The following EDARADD variants were observed in gnomAD, a reference collection of about 807,000 sequenced individuals.
The protein encoded by EDARADD is ectodysplasin-A receptor-associated adapter protein.
In EDARADD, 20 loss-of-function variants were observed where a neutral mutation model predicts 25.6. The observed-to-expected ratio is 0.78, with a 90% CI of 0.55 to 1.14. The LOEUF (loss-of-function observed/expected upper bound fraction) is 1.14. EDARADD is among the 50% of genes most tolerant of loss of function. EDARADD has a pLI of 0.00. For synonymous variants in EDARADD, 86 were observed against 94.4 expected (o/e 0.91, Z 0.52); for missense variants, 225 against 270.1 (o/e 0.83, Z 1.17).
chr1:236,379,970 T>C (rs1341003284), intron 3 of EDARADD, among the ~76,000 whole-genome samples: 1 of 152,196 alleles, frequency 6.6e-6, no homozygotes, highest in Non-Finnish European at 1.5e-5. Flanking sequence ...GCCACTAAAA[T>C]TGCTGTGTTA....
rs1437408993 is a variant in EDARADD, at chr1:236,431,777, CG to C, written c.219+4330del. Among the ~76,000 whole-genome samples the C allele has an allele frequency of 1.9e-5, 2 of 103,136 alleles. 1 individual carries two copies. Among genetic ancestry groups the C allele is most frequent in the Non-Finnish European group, 5.0e-5 (2 of 40,156 alleles). 67.7% of individuals were successfully genotyped at this position (103,136 alleles called of 152,430 possible). A position where few individuals can be genotyped will look rare whatever the true frequency, so the allele number is the denominator to read the frequency against. ...TCTACTAAAAATACAAAAAATTAGC[CG>C]GGCGCGGTGGCGGGCGCCTGTAGTC... is the stretch of plus-strand genomic sequence containing the variant. On this transcript the variant is annotated intron_variant, in intron 4 of 5. Transcript: ENST00000334232.
intron 3 of EDARADD, among the ~76,000 whole-genome samples, chr1:236,385,202 A>G (rs1667337866): frequency 7.2e-6 from 1 of 139,242 alleles, no homozygotes. Flanking sequence ...AGGTCAGGAG[A>G]TCAAGACCAT....
At chr1:236,427,575 T>TTCCTAGGCAGAGGACCCTGCCGCCTTCA in intron 4 of EDARADD, 125 bp downstream of exon 4, 2 of 900,108 alleles carry the variant, frequency 2.2e-6, no homozygotes, top group Non-Finnish European at 3.4e-6. Flanking sequence ...AAACAGGGTT[T>TTCCTAGGCAGAGGACCCTGCCGCCTTCA]GCAAATGGTC....
At chr1:236,363,598 A>C (rs1038532223) in intron 3 of EDARADD, among the ~76,000 whole-genome samples, 1 of 151,864 alleles carries the variant, frequency 6.6e-6, no homozygotes, top group African/African-American at 2.4e-5. Context: ...TACTTAAAAA[A>C]ATAAGACGGG....
At chr1:236,422,571 A>G (rs1427084918) in intron 3 of EDARADD, among the ~76,000 whole-genome samples, 3 of 152,220 alleles carry the variant, frequency 2.0e-5, no homozygotes, top group African/African-American at 7.2e-5. Flanking sequence ...TTTATCAGGG[A>G]TATCCTGGTT....
intron 4 of EDARADD, among the ~76,000 whole-genome samples, chr1:236,452,716 G>A (rs1038629379): frequency 6.6e-6 from 1 of 152,194 alleles, no homozygotes; most frequent in Middle Eastern, 3.4e-3. Flanking sequence ...GGGGCTTGGG[G>A]CAAGGGTCAT....
At chr1:236,441,613 T>A (rs1043173117) in intron 4 of EDARADD, among the ~76,000 whole-genome samples, 4 of 151,402 alleles carry the variant, frequency 2.6e-5, no homozygotes, top group Non-Finnish European at 5.9e-5. Flanking sequence ...AACCTCCACC[T>A]CCTGGGTTCA....
intron 3 of EDARADD, among the ~76,000 whole-genome samples, chr1:236,360,331 G>T (rs1017869118): frequency 6.7e-6 from 1 of 148,712 alleles, no homozygotes; most frequent in Non-Finnish European, 1.5e-5. Flanking sequence ...AAAAAAAAAA[G>T]AAGAAGAAGA....
At chr1:236,468,161 T>C (rs1405024040) in intron 4 of EDARADD, 70 bp from the exon 5 acceptor site, 5 of 1,495,922 alleles carry the variant, frequency 3.3e-6, no homozygotes, top group Non-Finnish European at 4.7e-6. Context: ...TTTAACTAAG[T>C]TGGAAGATTG....
At chr1:236,451,820 A>G (rs1658721157) in intron 4 of EDARADD, among the ~76,000 whole-genome samples, 1 of 152,004 alleles carries the variant, frequency 6.6e-6, no homozygotes, top group Admixed American at 6.6e-5. Flanking sequence ...CTCCCCGGAG[A>G]TGAGAATTTG....
At chr1:236,378,109 C>A (rs1048749227) in intron 3 of EDARADD, among the ~76,000 whole-genome samples, 6 of 152,152 alleles carry the variant, frequency 3.9e-5, no homozygotes, top group African/African-American at 1.4e-4. Context: ...CCCACCCACC[C>A]CCCTTTAGGT....
chr1:236,351,201 G>T (rs1572104737), intron 3 of EDARADD, among the ~76,000 whole-genome samples: 1 of 152,228 alleles, frequency 6.6e-6, no homozygotes, highest in East Asian at 1.9e-4. Context: ...TATTCACTGG[G>T]CAGCTTGAAT....
rs143520407 is a variant in EDARADD, at chr1:236,422,553, G to A, written c.161-4839G>A. 4.9e-3 allele frequency among the ~76,000 whole-genome samples: 740 copies of A among 152,322 alleles called. 18 individuals are homozygous for A. Among genetic ancestry groups the A allele is most frequent in the Admixed American group, 0.044 (670 of 15,298 alleles). ...GTTTGGCCAGTTTTGCTAATCTTGGGTCCTTCCTTTATCAGGGATATCCTG... is the reference window on the plus strand; with the variant it reads ...GTTTGGCCAGTTTTGCTAATCTTGGATCCTTCCTTTATCAGGGATATCCTG... On this transcript the variant is annotated intron_variant, in intron 3 of 5. Coordinates refer to ENST00000334232, the MANE Select transcript of EDARADD (RefSeq NM_145861.4).
intron 5 of EDARADD, among the ~76,000 whole-genome samples, chr1:236,479,744 TCAAAA>T (rs1659617612): frequency 8.7e-6 from 1 of 114,576 alleles, no homozygotes; most frequent in Non-Finnish European, 2.0e-5. Context: ...TAAAGTTTAA[TCAAAA>T]AAAAAAAGAA....
chr1:236,452,584 GCCT>G (rs1658744577), intron 4 of EDARADD, among the ~76,000 whole-genome samples: 1 of 151,992 alleles, frequency 6.6e-6, no homozygotes, highest in Non-Finnish European at 1.5e-5. Context: ...GTTTCTTGAG[GCCT>G]CCTCAGCCAT....
intron 4 of EDARADD, among the ~76,000 whole-genome samples, chr1:236,450,393 G>A (rs963053739): frequency 1.3e-5 from 2 of 151,868 alleles, no homozygotes; most frequent in African/African-American, 2.4e-5. Flanking sequence ...TAGTCACACT[G>A]TATAGACAAT....
At chr1:236,471,126 G>A (rs1340213740) in intron 5 of EDARADD, among the ~76,000 whole-genome samples, 2 of 152,136 alleles carry the variant, frequency 1.3e-5, no homozygotes, top group Non-Finnish European at 2.9e-5. Flanking sequence ...TGACAAAATT[G>A]AGGCCCAACA....
At chr1:236,454,510 C>T (rs1259903776) in intron 4 of EDARADD, among the ~76,000 whole-genome samples, 3 of 152,182 alleles carry the variant, frequency 2.0e-5, no homozygotes, top group African/African-American at 7.2e-5. Flanking sequence ...ATTTCCTAGG[C>T]TTGGTGTCAT....
At chr1:236,387,038 G>A (rs1322388400) in intron 3 of EDARADD, among the ~76,000 whole-genome samples, 35 of 32,832 alleles carry the variant, frequency 1.1e-3, no homozygotes, top group Admixed American at 1.7e-3. Flanking sequence ...GCCCCATCCG[G>A]GAGGGAGGTG....
Sources: gnomAD v4.1 joint callset for allele counts (sites outside exome capture counted in the v4.1 genomes callset) on GRCh38, gnomAD v4.1.1 for gene constraint, MANE v1.5 for transcripts, NCBI Gene and HGNC (gene_info 2026-07-23, HGNC 2026-07-21) for gene names.